Variants in GPHN observed in about 807,000 individuals in gnomAD.
GPHN encodes the protein gephyrin.
A neutral mutation model predicts 95.5 loss-of-function variants in GPHN; 17 were observed. That is an observed-to-expected ratio of 0.18 (90% CI 0.12 to 0.27). The LOEUF (loss-of-function observed/expected upper bound fraction) is 0.27, where lower values mean the gene tolerates loss of function less well. GPHN is among the 10% of genes least tolerant of loss of function. The pLI is 1.00. For missense variants in GPHN, 660 were observed against 978.1 expected, an observed-to-expected ratio of 0.67 and a Z score of 4.34; for synonymous variants, 320 against 322.5, an observed-to-expected ratio of 0.99 and a Z score of 0.08.
rs79974276 is a variant in GPHN, at chr14:66,708,109, A to G, written c.143+26924A>G. Among the ~76,000 whole-genome samples the G allele has an allele frequency of 2.8e-4, 43 of 152,300 alleles. No homozygotes were observed. The East Asian group carries it at 7.7e-3, about 27-fold the overall frequency. On this transcript the variant is annotated intron_variant, in intron 2 of 22. Transcript: ENST00000478722. ...ACCCAAGTTTAGATGATTTATTCAT[A>G]AAAGTGCTCAGTATCATTGCAGGGT...
chr14:66,682,248 A>G (rs2066982942), intron 2 of GPHN, among the ~76,000 whole-genome samples: 1 of 152,120 alleles, frequency 6.6e-6, no homozygotes, highest in Non-Finnish European at 1.5e-5. Flanking sequence ...GATTGCAAAT[A>G]TTCCTCCTCC....
At chr14:67,342,986 T>C in the GPHN span, among the ~76,000 whole-genome samples, 501 of 152,320 alleles carry the variant, frequency 3.3e-3, 3 homozygotes, top group Non-Finnish European at 4.2e-3. Context: ...TGGCTTATAC[T>C]GATTTAAAGT....
the GPHN span, among the ~76,000 whole-genome samples, chr14:67,332,045 C>G: frequency 6.6e-6 from 1 of 152,126 alleles, no homozygotes; most frequent in Non-Finnish European, 1.5e-5. Flanking sequence ...TTGTTTTGTA[C>G]TATGGGTCCA....
intron 2 of GPHN, chr14:66,760,844 C>A: frequency 3.4e-6 from 2 of 594,618 alleles, no homozygotes; most frequent in East Asian, 4.2e-5. Context: ...AAATGCCAAG[C>A]GAAATTTATA....
At chr14:67,726,996 C>A in the GPHN span, 2 of 1,612,780 alleles carry the variant, frequency 1.2e-6, no homozygotes, top group Non-Finnish European at 1.7e-6. Flanking sequence ...TTCCTCCTCA[C>A]CTACCTGCTC....
intron 1 of GPHN, among the ~76,000 whole-genome samples, chr14:66,545,953 T>TGACGCTCCTCACTTCTCA (rs1223552410): frequency 2.6e-4 from 38 of 144,058 alleles, no homozygotes; most frequent in Admixed American, 1.2e-3. Context: ...TGCCGGGCGG[T>TGACGCTCCTCACTTCTCA]GACGCTCCTC....
chr14:67,025,719 A>G (rs1005703214), intron 10 of GPHN, among the ~76,000 whole-genome samples: 2 of 152,170 alleles, frequency 1.3e-5, no homozygotes, highest in Non-Finnish European at 2.9e-5. Context: ...ATATCCCTCA[A>G]AACCAAATCT....
At chr14:67,465,642 T>C in the GPHN span, among the ~76,000 whole-genome samples, 1 of 152,172 alleles carries the variant, frequency 6.6e-6, no homozygotes, top group African/African-American at 2.4e-5. Flanking sequence ...GGGTACAAAA[T>C]GCAAGGGCTT....
chr14:67,576,162 A>G, the GPHN span, among the ~76,000 whole-genome samples: 1 of 152,300 alleles, frequency 6.6e-6, no homozygotes, highest in East Asian at 1.9e-4. This position sits in a 1 kb window ranked among gnomAD's most constrained non-coding sequence, Gnocchi z 4.0. Flanking sequence ...TTTATACTGA[A>G]TTTATTCCCA....
At chr14:66,967,456 G>T (rs965368666) in intron 9 of GPHN, among the ~76,000 whole-genome samples, 5 of 151,826 alleles carry the variant, frequency 3.3e-5, no homozygotes, top group Admixed American at 2.0e-4. Context: ...TGTCTTCATG[G>T]AGTTTACAAT....
chr14:66,931,636 G>A (rs2066804037), intron 8 of GPHN, among the ~76,000 whole-genome samples: 1 of 151,954 alleles, frequency 6.6e-6, no homozygotes, highest in East Asian at 1.9e-4. Flanking sequence ...AATCAGTTAT[G>A]CTGTTGAAAG....
chr14:66,943,403 A>G (rs2067540293), intron 8 of GPHN, among the ~76,000 whole-genome samples: 1 of 152,196 alleles, frequency 6.6e-6, no homozygotes, highest in Admixed American at 6.5e-5. Flanking sequence ...AACTCCTTCC[A>G]GCTTAATTAA....
At chr14:67,320,555 AAT>A in the GPHN span, among the ~76,000 whole-genome samples, 2 of 152,232 alleles carry the variant, frequency 1.3e-5, no homozygotes, top group African/African-American at 2.4e-5. Context: ...TTAAATTAAA[AAT>A]AGTCATTATT....
chr14:66,677,252 G>A lies in GPHN; in HGVS notation c.65-3855G>A, dbSNP rs555098877. 3.3e-5 allele frequency among the ~76,000 whole-genome samples: 5 copies of A among 152,014 alleles called. No individual in the cohort carries two copies. In the East Asian group the frequency reaches 9.7e-4, roughly 29 times the overall value. ...AAACCAGTGTTTCTTGTGATCCTTTGTGGGTTTTTGTCTCTATTTACTTCT... is the reference window on the plus strand; with the variant it reads ...AAACCAGTGTTTCTTGTGATCCTTTATGGGTTTTTGTCTCTATTTACTTCT... On this transcript the variant is annotated intron_variant, in intron 1 of 22. Transcript: ENST00000478722.
intron 1 of GPHN, among the ~76,000 whole-genome samples, chr14:66,624,469 G>A (rs533309503): frequency 3.9e-4 from 60 of 152,158 alleles, no homozygotes; most frequent in Non-Finnish European, 7.1e-4. Context: ...TTAAATAAAC[G>A]GTTGGGTCTG....
chr14:66,948,004 T>A (rs947041276), intron 8 of GPHN, among the ~76,000 whole-genome samples: 2 of 152,194 alleles, frequency 1.3e-5, no homozygotes, highest in Non-Finnish European at 2.9e-5. Flanking sequence ...AGTCACCATA[T>A]TCTGTTCCTA....
the GPHN span, among the ~76,000 whole-genome samples, chr14:67,242,212 A>AAGG: frequency 2.0e-5 from 3 of 152,180 alleles, no homozygotes; most frequent in Non-Finnish European, 4.4e-5. Flanking sequence ...CCTTCTGTTG[A>AAGG]TTGACATACA....
the GPHN span, chr14:67,702,045 G>A: frequency 2.0e-5 from 3 of 152,080 alleles, no homozygotes; most frequent in Admixed American, 2.0e-4. Flanking sequence ...TTGAACTCCT[G>A]ATCTCAAATG....
chr14:67,107,589 G>A (rs1304529271), intron 13 of GPHN, among the ~76,000 whole-genome samples: 1 of 152,174 alleles, frequency 6.6e-6, no homozygotes, highest in African/African-American at 2.4e-5. Context: ...GAGCCAGTAG[G>A]GCTCAGCAGC....
Sources: gnomAD v4.1 joint callset for allele counts (sites outside exome capture counted in the v4.1 genomes callset) on GRCh38, gnomAD v4.1.1 for gene constraint, Gnocchi (gnomAD v3.1) non-coding constraint, MANE v1.5 for transcripts, NCBI Gene and HGNC (gene_info 2026-07-23, HGNC 2026-07-21) for gene names.